The following LDB1 variants were observed in gnomAD, a reference collection of about 807,000 sequenced individuals.
LDB1 encodes LIM domain binding 1, also known as LIM domain-binding protein 1.
LDB1 carries 6 observed loss-of-function variants against 49.7 expected under a neutral mutation model. The ratio of observed to expected loss-of-function variants is 0.12; its 90% CI spans 0.07 to 0.24. LDB1 has a LOEUF of 0.24. Ranked by LOEUF, LDB1 falls within the 10% of genes least tolerant of loss-of-function variation. The pLI, the probability that LDB1 is intolerant of heterozygous loss-of-function variation, is 1.00. For synonymous variants in LDB1, 233 were observed against 202.0 expected, an observed-to-expected ratio of 1.15 and a Z score of -1.30; for missense variants, 341 against 561.7, an observed-to-expected ratio of 0.61 and a Z score of 3.97.
intron 1 of LDB1, among the ~76,000 whole-genome samples, chr10:102,119,359 A>G (rs2068378399): frequency 6.8e-6 from 1 of 146,280 alleles, no homozygotes. Flanking sequence ...GCAAGAGCTG[A>G]TATGTTTTGG....
chr10:102,110,159 G>A, intron 6 of LDB1, 116 bp from the exon 7 acceptor site: 3 of 1,173,296 alleles, frequency 2.6e-6, no homozygotes, highest in Non-Finnish European at 3.6e-6. Flanking sequence ...TTTGTCACCT[G>A]CACATTAAAT....
chr10:102,109,878 G>A lies in LDB1; in HGVS notation c.648+43C>T, dbSNP rs767693270. On this transcript the variant is annotated intron_variant, in intron 7 of 10. Transcript: ENST00000673968. The surrounding 1 kb of genome is among the most constrained non-coding windows in gnomAD (Gnocchi z 5.8). Reference sequence around the variant, plus strand: ...GCAGACCTTGTTCCACCCTTCCCCCGCCTGCCTTCACTCTTGCATCCTGGG... The same window carrying A: ...GCAGACCTTGTTCCACCCTTCCCCCACCTGCCTTCACTCTTGCATCCTGGG... The A allele has an allele frequency of 3.8e-6, 6 of 1,593,640 alleles. No individual in the cohort carries two copies. Among genetic ancestry groups the A allele is most frequent in the South Asian group, 1.1e-5 (1 of 90,100 alleles).
Position 102,107,819 on chromosome 10 carries a change from T to C in LDB1, c.*274A>G. ...AGATGGAGGCAAATGCCCTGGGGGG[T>C]GGTCAGGACATGTCTCAGAGGCCCA... On this transcript the variant is annotated 3_prime_UTR_variant, in exon 11 of 11. Coordinates refer to ENST00000673968, the MANE Select transcript of LDB1 (RefSeq NM_001113407.3). 2.0e-6 allele frequency: 1 copy of C among 498,210 alleles called. No homozygotes were observed. Among genetic ancestry groups the C allele is most frequent in the Non-Finnish European group, 3.6e-6 (1 of 277,832 alleles). 30.9% of individuals were successfully genotyped at this position (498,210 alleles called of 1,614,324 possible).
intron 1 of LDB1, among the ~76,000 whole-genome samples, chr10:102,119,877 C>A (rs1486280803): frequency 1.3e-5 from 2 of 151,556 alleles, no homozygotes; most frequent in African/African-American, 2.4e-5. Context: ...CCACCCCCAG[C>A]GTCTCCTCCC....
intron 10 of LDB1, 112 bp downstream of exon 10, chr10:102,108,917 C>T (rs1455770066): frequency 7.1e-7 from 1 of 1,404,012 alleles, no homozygotes; most frequent in Non-Finnish European, 1.0e-6. Context: ...TGGCAGAGTA[C>T]ATGAGAAAAA....
Position 102,109,940 on chromosome 10 carries a change from C to A in LDB1, c.629G>T (p.Arg210Leu). Residue 210 changes from arginine (R) to leucine (L), a missense_variant, in exon 7 of 11, where the codon CGC becomes CTC. Arg to Leu is a moderately radical substitution (Grantham distance 102, BLOSUM62 -2). Transcript: ENST00000673968. The surrounding 1 kb of genome is among the most constrained non-coding windows in gnomAD (Gnocchi z 5.8). ...ACTCACATGCATGGCAAGGATGCTG[C>A]GGGGGATGAGCTCTCGGTGCTGCCG... Reference protein sequence around the residue: ...SIRQHRELIPRSILAMHAQDP... With the variant: ...SIRQHRELIPLSILAMHAQDP... The A allele has an allele frequency of 6.2e-7, 1 of 1,610,036 alleles. No individual in the cohort carries two copies. Among genetic ancestry groups the A allele is most frequent in the Non-Finnish European group, 8.5e-7 (1 of 1,179,684 alleles).
Position 102,109,492 on chromosome 10 carries a change from C to T in LDB1, c.748G>A (p.Glu250Lys), listed in dbSNP as rs1488418952. Reference sequence around the variant, plus strand: ...CGTGACATGAGCTCTTGCATGGGCTCGAGTATCACACAGAGCTAGGGGTAG... The same window carrying T: ...CGTGACATGAGCTCTTGCATGGGCTTGAGTATCACACAGAGCTAGGGGTAG... ...LNYLRLCVIL[E>K]PMQELMSRHK... The change falls in exon 9 of 11, where the codon GAG becomes AAG. Residue 250 changes from glutamate to lysine, a missense_variant. By Grantham distance (56) the Glu-to-Lys change is moderately conservative. This residue lies in a region of LDB1 where 233 missense variants were observed against 385.7 expected (regional missense o/e 0.60). Coordinates refer to ENST00000673968, the MANE Select transcript of LDB1 (RefSeq NM_001113407.3). This position sits in a 1 kb window ranked among gnomAD's most constrained non-coding sequence, Gnocchi z 5.8. The T allele has an allele frequency of 1.2e-6, 2 of 1,613,916 alleles. No homozygotes were observed. Among genetic ancestry groups the T allele is most frequent in the Non-Finnish European group, 1.7e-6 (2 of 1,179,996 alleles).
upstream of LDB1, among the ~76,000 whole-genome samples, chr10:102,121,254 C>G (rs902618482): frequency 1.3e-5 from 2 of 152,098 alleles, no homozygotes; most frequent in Admixed American, 6.6e-5. Context: ...TCCCTTCCCC[C>G]CTTTCTCCAG....
intron 1 of LDB1, among the ~76,000 whole-genome samples, chr10:102,118,875 C>T (rs2068366345): frequency 1.3e-5 from 2 of 152,202 alleles, no homozygotes; most frequent in Non-Finnish European, 2.9e-5. Context: ...CTCCCCAACC[C>T]TCTGCAGCAG....
Position 102,111,276 on chromosome 10 carries a change from T to A in LDB1, c.153A>T (p.Thr51=), listed in dbSNP as rs538153209. The part of the protein sequence containing the change: ...DVGPTPMYPP[T]YLEPGIGRHT... ...CTTACCCAATCCCTGGCTCCAGGTA[T>A]GTAGGCGGATACATGGGAGTTGGGC... The change falls in exon 3 of 11, where the codon ACA becomes ACT. Residue 51 remains threonine, a synonymous_variant. Coordinates refer to ENST00000673968, the MANE Select transcript of LDB1 (RefSeq NM_001113407.3). 6.2e-7 allele frequency: 1 copy of A among 1,614,166 alleles called. No homozygotes were observed. Among genetic ancestry groups the A allele is most frequent in the Non-Finnish European group, 8.5e-7 (1 of 1,180,028 alleles).
chr10:102,104,271 G>A (rs2068138416), downstream of LDB1, among the ~76,000 whole-genome samples: 1 of 152,172 alleles, frequency 6.6e-6, no homozygotes, highest in Admixed American at 6.5e-5. Context: ...GGATCCAGAA[G>A]CCCTGGCTGG....
Position 102,111,058 on chromosome 10 carries a change from C to G in LDB1, c.249+11G>C, listed in dbSNP as rs1004625038. The G allele has an allele frequency of 6.2e-7, 1 of 1,614,044 alleles. No homozygotes were observed. The highest frequency in any genetic ancestry group is 8.5e-7 in the Non-Finnish European group (1 of 1,179,882). The stretch of plus-strand genomic sequence containing the variant: ...CCCTCCTGCTCCCAGCCCCTTTTCC[C>G]TTGGCCATACCTCTGTCCAGTTCTG... On this transcript the variant is annotated intron_variant, in intron 4 of 10. Transcript: ENST00000673968.
Position 102,114,262 on chromosome 10 carries a change from T to C in LDB1, c.26-2726A>G, listed in dbSNP as rs1109464. ...GACTCGAGGGCAGGCCTCCTCCCTT[T>C]AGGGACTGGCCACAGGTCAGCAGGC... On this transcript the variant is annotated intron_variant, in intron 1 of 10. Coordinates refer to ENST00000673968, the MANE Select transcript of LDB1 (RefSeq NM_001113407.3). The C allele has an allele frequency of 1.0e-3, 866 of 866,244 alleles. 26 individuals carry two copies. In the East Asian group the frequency reaches 0.058, roughly 58 times the overall value. The allele number at this position is 866,244 out of a possible 1,614,324, so 53.7% of individuals were successfully genotyped here. A position where few individuals can be genotyped will look rare whatever the true frequency, so the allele number is the denominator to read the frequency against.
chr10:102,104,947 T>C (rs2068143815), downstream of LDB1, among the ~76,000 whole-genome samples: 1 of 152,162 alleles, frequency 6.6e-6, no homozygotes, highest in Non-Finnish European at 1.5e-5. Flanking sequence ...ATGGGCCTAG[T>C]ACCTAAAGAG....
chr10:102,103,164 G>C (rs1418876084), downstream of LDB1, among the ~76,000 whole-genome samples: 1 of 152,000 alleles, frequency 6.6e-6, no homozygotes, highest in Admixed American at 6.6e-5. Flanking sequence ...CGAGTAGCTG[G>C]GACTTCAGGT....
chr10:102,119,601 C>T (rs1405293871), intron 1 of LDB1, among the ~76,000 whole-genome samples: 1 of 151,874 alleles, frequency 6.6e-6, no homozygotes, highest in Non-Finnish European at 1.5e-5. Context: ...AGGTGGGGGG[C>T]AAGATGGGCC....
chr10:102,110,459 A>G (rs2068235058), intron 6 of LDB1, 70 bp downstream of exon 6: 8 of 1,480,906 alleles, frequency 5.4e-6, no homozygotes, highest in African/African-American at 1.4e-5. Context: ...AGCTGTGAGT[A>G]TACACTGGGA....
intron 1 of LDB1, among the ~76,000 whole-genome samples, chr10:102,113,759 T>TAA (rs11422831): frequency 0.026 from 3,201 of 123,536 alleles, 95 homozygotes; most frequent in African/African-American, 0.075. Context: ...TCCAATTTTG[T>TAA]AAAAAAAAAA....
downstream of LDB1, among the ~76,000 whole-genome samples, chr10:102,102,772 G>A (rs562883715): frequency 3.9e-5 from 6 of 152,242 alleles, no homozygotes; most frequent in Non-Finnish European, 5.9e-5. Context: ...AGTCATAGTC[G>A]TTATAAACAT....
Sources: gnomAD v4.1 joint callset for allele counts (sites outside exome capture counted in the v4.1 genomes callset) on GRCh38, gnomAD v4.1.1 for gene constraint, gnomAD v4.1.1 regional missense constraint, Gnocchi (gnomAD v3.1) non-coding constraint, MANE v1.5 for transcripts, NCBI Gene and HGNC (gene_info 2026-07-23, HGNC 2026-07-21) for gene names.